Variants in ITFG1 observed in about 807,000 individuals in gnomAD.
ITFG1 encodes T-cell immunomodulatory protein.
ITFG1 carries 34 observed loss-of-function variants against 81.8 expected under a neutral mutation model. The ratio of observed to expected loss-of-function variants is 0.42; its 90% CI spans 0.32 to 0.55. The LOEUF (loss-of-function observed/expected upper bound fraction) is 0.55, where lower values mean the gene tolerates loss of function less well. Among genes scored for constraint, ITFG1 ranks in the 20% least tolerant of loss-of-function variants. ITFG1 has a pLI of 0.17. For synonymous variants in ITFG1, 285 were observed against 270.6 expected, an observed-to-expected ratio of 1.05 and a Z score of -0.52; for missense variants, 672 against 755.4, an observed-to-expected ratio of 0.89 and a Z score of 1.29.
At chr16:47,343,743 A>G (rs772342830) in intron 8 of ITFG1, among the ~76,000 whole-genome samples, 1 of 152,156 alleles carries the variant, frequency 6.6e-6, no homozygotes, top group African/African-American at 2.4e-5. Flanking sequence ...ACCCTTCCGC[A>G]CTGCTGGTAG....
intron 6 of ITFG1, among the ~76,000 whole-genome samples, chr16:47,414,602 A>C (rs765683808): frequency 1.5e-4 from 23 of 152,034 alleles, no homozygotes. Flanking sequence ...AACAACAAAA[A>C]CCCAGGTCAA....
intron 5 of ITFG1, among the ~76,000 whole-genome samples, chr16:47,431,214 C>A (rs772021788): frequency 6.6e-5 from 10 of 152,194 alleles, no homozygotes; most frequent in Non-Finnish European, 1.3e-4. Context: ...GGTTCCCTAA[C>A]CCTTGGGCTG....
At chr16:47,376,463 T>C (rs1968326114) in intron 6 of ITFG1, among the ~76,000 whole-genome samples, 1 of 152,170 alleles carries the variant, frequency 6.6e-6, no homozygotes, top group Non-Finnish European at 1.5e-5. Context: ...AATGGTTGTT[T>C]TATTGAAAAG....
At chr16:47,404,298 A>G (rs377354339) in intron 6 of ITFG1, among the ~76,000 whole-genome samples, 9 of 152,216 alleles carry the variant, frequency 5.9e-5, no homozygotes, top group Non-Finnish European at 1.3e-4. Context: ...TACATAACAC[A>G]TAAGAGAGTA....
At chr16:47,378,571 A>T (rs904411690) in intron 6 of ITFG1, among the ~76,000 whole-genome samples, 2 of 152,240 alleles carry the variant, frequency 1.3e-5, no homozygotes, top group African/African-American at 4.8e-5. Context: ...AGGAACTATA[A>T]CACACAATGC....
intron 13 of ITFG1, among the ~76,000 whole-genome samples, chr16:47,224,465 A>T (rs1482488258): frequency 6.6e-6 from 1 of 152,168 alleles, no homozygotes; most frequent in African/African-American, 2.4e-5. Flanking sequence ...CTTTTAAGGA[A>T]ATCTCTGGCC....
chr16:47,258,610 TA>T (rs1336225017), intron 12 of ITFG1, 21 bp downstream of exon 12: 3 of 1,059,596 alleles, frequency 2.8e-6, no homozygotes, highest in Non-Finnish European at 4.3e-6. Flanking sequence ...AGAACAAAAT[TA>T]AATGTTAGTA....
chr16:47,348,121 C>A (rs1012534936), intron 8 of ITFG1, among the ~76,000 whole-genome samples: 2 of 152,156 alleles, frequency 1.3e-5, no homozygotes, highest in Admixed American at 1.3e-4. Context: ...AAAAACAGAA[C>A]AGAAAAACTG....
intron 13 of ITFG1, among the ~76,000 whole-genome samples, chr16:47,233,545 A>G (rs1455015773): frequency 6.6e-6 from 1 of 152,216 alleles, no homozygotes; most frequent in Non-Finnish European, 1.5e-5. Context: ...AAGCATGAGA[A>G]GGTAACCATT....
intron 6 of ITFG1, among the ~76,000 whole-genome samples, chr16:47,409,086 G>A (rs1275960041): frequency 2.6e-5 from 4 of 151,564 alleles, no homozygotes; most frequent in Non-Finnish European, 5.9e-5. Flanking sequence ...AAATTATTTT[G>A]ACCTCCTGGA....
intron 5 of ITFG1, among the ~76,000 whole-genome samples, chr16:47,438,551 T>G (rs1306590773): frequency 6.6e-6 from 1 of 152,218 alleles, no homozygotes; most frequent in African/African-American, 2.4e-5. Context: ...CTGCAGCCAC[T>G]GCTGCTGATA....
chr16:47,239,364 C>T (rs1414276396), intron 12 of ITFG1, among the ~76,000 whole-genome samples: 1 of 152,104 alleles, frequency 6.6e-6, no homozygotes, highest in African/African-American at 2.4e-5. Flanking sequence ...CCACACCCAG[C>T]TAATTTTTGT....
At chr16:47,353,452 G>C (rs896708103) in intron 8 of ITFG1, among the ~76,000 whole-genome samples, 1 of 151,926 alleles carries the variant, frequency 6.6e-6, no homozygotes, top group Non-Finnish European at 1.5e-5. Flanking sequence ...AATTGAAAAG[G>C]AAAAAGTTGA....
At chr16:47,445,945 C>G (rs1018320447) in intron 5 of ITFG1, among the ~76,000 whole-genome samples, 3 of 152,076 alleles carry the variant, frequency 2.0e-5, no homozygotes, top group Non-Finnish European at 2.9e-5. Context: ...GATCCAGATT[C>G]AATTCCCAGA....
chr16:47,245,853 A>G (rs1410270274), intron 12 of ITFG1, among the ~76,000 whole-genome samples: 3 of 150,992 alleles, frequency 2.0e-5, no homozygotes, highest in Admixed American at 6.6e-5. Flanking sequence ...TTAAATGAAG[A>G]GGAAACTGAA....
chr16:47,314,348 T>C (rs932673425), intron 8 of ITFG1, among the ~76,000 whole-genome samples: 7 of 152,194 alleles, frequency 4.6e-5, no homozygotes, highest in African/African-American at 1.7e-4. Flanking sequence ...TCCATTATTA[T>C]ACAGAGTATT....
At chr16:47,367,177 G>A (rs1302764879) in intron 7 of ITFG1, among the ~76,000 whole-genome samples, 5 of 152,222 alleles carry the variant, frequency 3.3e-5, no homozygotes, top group Non-Finnish European at 5.9e-5. Flanking sequence ...TGAGTAGGGC[G>A]AGGTACGGAA....
chr16:47,218,762 G>T (rs1450242606), intron 14 of ITFG1, 106 bp downstream of exon 14: 1 of 504,992 alleles, frequency 2.0e-6, no homozygotes. Flanking sequence ...TAAAAGTGAA[G>T]ATGTTATTAA....
At chr16:47,419,084 A>C (rs1467229266) in intron 6 of ITFG1, among the ~76,000 whole-genome samples, 3 of 152,158 alleles carry the variant, frequency 2.0e-5, no homozygotes, top group East Asian at 1.9e-4. Flanking sequence ...TGTATTTCTG[A>C]GATAAATCTC....
Sources: allele counts gnomAD v4.1 joint callset (sites outside exome capture counted in the v4.1 genomes callset), GRCh38; gene constraint gnomAD v4.1.1; transcripts MANE v1.5; gene names NCBI Gene and HGNC (gene_info 2026-07-23, HGNC 2026-07-21).